The following NR6A1 variants were observed in gnomAD, a reference collection of about 807,000 sequenced individuals.
The protein encoded by NR6A1 is retinoic acid receptor-related testis-associated receptor.
In NR6A1, 7 loss-of-function variants were observed where a neutral mutation model predicts 59.1. The observed-to-expected ratio is 0.12, with a 90% CI of 0.07 to 0.22. The LOEUF (loss-of-function observed/expected upper bound fraction) is 0.22. Ranked by LOEUF, NR6A1 falls within the 10% of genes least tolerant of loss-of-function variation. The pLI, the probability that NR6A1 is intolerant of heterozygous loss-of-function variation, is 1.00. For missense variants in NR6A1, 468 were observed against 611.6 expected, an observed-to-expected ratio of 0.77 and a Z score of 2.48; for synonymous variants, 243 against 236.1, an observed-to-expected ratio of 1.03 and a Z score of -0.27.
intron 2 of NR6A1, among the ~76,000 whole-genome samples, chr9:124,706,626 C>A (rs1243689905): frequency 1.3e-5 from 2 of 152,102 alleles, no homozygotes; most frequent in Non-Finnish European, 1.5e-5. Context: ...ATTCTCCTGC[C>A]TCAGCCTCTC....
intron 3 of NR6A1, among the ~76,000 whole-genome samples, chr9:124,545,395 T>G (rs1833567950): frequency 6.6e-6 from 1 of 152,314 alleles, no homozygotes; most frequent in Middle Eastern, 3.4e-3. Flanking sequence ...AATCTTAATA[T>G]TTTCATCTGC....
chr9:124,651,592 C>A (rs1837106806), intron 2 of NR6A1, among the ~76,000 whole-genome samples: 1 of 152,170 alleles, frequency 6.6e-6, no homozygotes, highest in African/African-American at 2.4e-5. Flanking sequence ...TTCTCCCTTT[C>A]TTTTTGCCCA....
rs764553830 is a variant in NR6A1 at position 124,538,102 on chromosome 9, T to G, written c.814A>C (p.Ile272Leu). 3.1e-6 allele frequency: 5 copies of G among 1,607,862 alleles called. No individual in the cohort carries two copies. The Admixed American group carries it at 5.0e-5, about 16-fold the overall frequency. The change falls in exon 6 of 10, where the codon ATT (isoleucine) becomes CTT (leucine). Residue 272 changes from isoleucine (I) to leucine (L), a missense_variant. By Grantham distance (5) the Ile-to-Leu change is conservative. Around this residue, in one of 4 missense-constraint regions of NR6A1, gnomAD observed 176 missense variants for 264.0 expected, o/e 0.67. Transcript: ENST00000487099. ...GCGGAGCTCACTCACCCATCTTCAATCAACATGGGCGTGCCCAATGGTTCC... is the reference window on the plus strand; with the variant it reads ...GCGGAGCTCACTCACCCATCTTCAAGCAACATGGGCGTGCCCAATGGTTCC... ...DLEPLGTPML[I>L]EDGYAVTQAE... is the part of the protein sequence containing the mutation.
At position 124,538,092 on chromosome 9, in the gene NR6A1, C is replaced by A; in HGVS notation, c.824G>T (p.Gly275Val). ...PLGTPMLIEDGYAVTQAELFA... is the reference protein window; with the variant it reads ...PLGTPMLIEDVYAVTQAELFA... ...GCCAAGAAGGGCGGAGCTCACTCAC[C>A]CATCTTCAATCAACATGGGCGTGCC... Residue 275 changes from glycine (G) to valine (V), a missense_variant and splice_region_variant, in exon 6 of 10, where the codon GGA becomes GTA. Physicochemically the swap from Gly to Val is moderately radical, Grantham distance 109 (BLOSUM62 -3). Transcript: ENST00000487099. 1 of 1,603,956 alleles carries A rather than the reference C, an allele frequency of 6.2e-7. No homozygotes were observed. Among genetic ancestry groups the A allele is most frequent in the Admixed American group, 1.7e-5 (1 of 59,506 alleles).
intron 2 of NR6A1, among the ~76,000 whole-genome samples, chr9:124,555,823 C>T (rs1311175893): frequency 6.6e-6 from 1 of 152,120 alleles, no homozygotes. Flanking sequence ...GTTCTCATTG[C>T]AGTGTGTGGG....
At chr9:124,545,955 A>C (rs1362424184) in intron 3 of NR6A1, among the ~76,000 whole-genome samples, 6 of 152,172 alleles carry the variant, frequency 3.9e-5, no homozygotes, top group Non-Finnish European at 8.8e-5. Context: ...GTCTCTACTA[A>C]AAATTCAAAA....
chr9:124,536,655 ACT>A (rs1424656574), intron 6 of NR6A1, among the ~76,000 whole-genome samples: 1 of 150,070 alleles, frequency 6.7e-6, no homozygotes, highest in Non-Finnish European at 1.5e-5. Flanking sequence ...ACAGAGCAAG[ACT>A]CTGTCTAAAA....
chr9:124,706,414 A>G (rs1241994375), intron 2 of NR6A1, among the ~76,000 whole-genome samples: 1 of 152,164 alleles, frequency 6.6e-6, no homozygotes, highest in Admixed American at 6.5e-5. Flanking sequence ...AATTTCCTTT[A>G]GTATTTTAAA....
intron 5 of NR6A1, 126 bp downstream of exon 5, chr9:124,539,907 G>T: frequency 1.8e-6 from 2 of 1,103,234 alleles, no homozygotes; most frequent in Non-Finnish European, 2.5e-6. Context: ...TACTCCAAGA[G>T]TCTGAGGGAG....
chr9:124,654,137 C>T (rs2130926566), intron 2 of NR6A1, among the ~76,000 whole-genome samples: 1 of 152,248 alleles, frequency 6.6e-6, no homozygotes, highest in African/African-American at 2.4e-5. Context: ...AAATATGATT[C>T]TTCTAGGACA....
intron 2 of NR6A1, among the ~76,000 whole-genome samples, chr9:124,570,177 C>T (rs547867406): frequency 6.6e-6 from 1 of 152,332 alleles, no homozygotes; most frequent in East Asian, 1.9e-4. Context: ...ACATAATTGA[C>T]TATTCCCCTA....
At chr9:124,689,657 T>C (rs1224834079) in intron 2 of NR6A1, among the ~76,000 whole-genome samples, 1 of 152,212 alleles carries the variant, frequency 6.6e-6, no homozygotes, top group African/African-American at 2.4e-5. Context: ...GAGACATTAA[T>C]CTCACTACTC....
chr9:124,545,971 C>T (rs1449786921), intron 3 of NR6A1, among the ~76,000 whole-genome samples: 19 of 152,050 alleles, frequency 1.2e-4, no homozygotes, highest in African/African-American at 4.3e-4. Flanking sequence ...CAAAATTAGC[C>T]GGGCGTGGTG....
At chr9:124,626,078 C>T (rs1338650946) in intron 2 of NR6A1, among the ~76,000 whole-genome samples, 1 of 152,242 alleles carries the variant, frequency 6.6e-6, no homozygotes, top group African/African-American at 2.4e-5. Flanking sequence ...ACGATCTCAG[C>T]TTACTGCAAC....
intron 3 of NR6A1, among the ~76,000 whole-genome samples, chr9:124,547,209 T>C (rs1221967916): frequency 6.6e-6 from 1 of 152,184 alleles, no homozygotes; most frequent in Non-Finnish European, 1.5e-5. Flanking sequence ...GCTTTGGAAC[T>C]CATATGCCTA....
intron 2 of NR6A1, among the ~76,000 whole-genome samples, chr9:124,642,615 T>G (rs1002344465): frequency 2.0e-5 from 3 of 152,314 alleles, no homozygotes; most frequent in Non-Finnish European, 1.5e-5. Flanking sequence ...GTCTTCATAT[T>G]GCCAAATCAA....
At chr9:124,634,700 T>C (rs1457640707) in intron 2 of NR6A1, among the ~76,000 whole-genome samples, 1 of 152,126 alleles carries the variant, frequency 6.6e-6, no homozygotes, top group African/African-American at 2.4e-5. Context: ...CGGGCGCCTG[T>C]AGTCCCAGCT....
chr9:124,727,257 A>G (rs886593046), intron 2 of NR6A1, among the ~76,000 whole-genome samples: 1 of 152,232 alleles, frequency 6.6e-6, no homozygotes, highest in East Asian at 1.9e-4. Flanking sequence ...AAAAACCCAA[A>G]AAGTTTTACA....
intron 2 of NR6A1, among the ~76,000 whole-genome samples, chr9:124,709,234 T>C (rs1839210397): frequency 6.6e-6 from 1 of 152,210 alleles, no homozygotes; most frequent in Non-Finnish European, 1.5e-5. Flanking sequence ...GAAGTAATCA[T>C]GTCAGATAAT....
Sources: gnomAD v4.1 joint callset for allele counts (sites outside exome capture counted in the v4.1 genomes callset) on GRCh38, gnomAD v4.1.1 for gene constraint, gnomAD v4.1.1 regional missense constraint, MANE v1.5 for transcripts, NCBI Gene and HGNC (gene_info 2026-07-23, HGNC 2026-07-21) for gene names.